Variants in TMEM117 observed in about 807,000 individuals in gnomAD.
TMEM117 encodes transmembrane protein 117.
Under a neutral mutation model 52.4 loss-of-function variants are expected in TMEM117, and 27 were observed. The ratio of observed to expected loss-of-function variants is 0.51; its 90% CI spans 0.38 to 0.71. TMEM117 has a LOEUF of 0.71. Ranked by LOEUF, TMEM117 falls within the 30% of genes least tolerant of loss-of-function variation. The probability of loss-of-function intolerance (pLI) is 0.00; values close to 1 mark genes in which losing one functional copy is unlikely to be tolerated. For missense variants in TMEM117, 556 were observed against 630.5 expected (o/e 0.88, Z 1.26); for synonymous variants, 215 against 206.3 (o/e 1.04, Z -0.36).
At chr12:43,920,837 A>G (rs1216982609) in intron 2 of TMEM117, among the ~76,000 whole-genome samples, 1 of 152,042 alleles carries the variant, frequency 6.6e-6, no homozygotes, top group Non-Finnish European at 1.5e-5. Context: ...CAATCTAGTT[A>G]TTTGTTATGC....
the TMEM117 span, among the ~76,000 whole-genome samples, chr12:43,801,235 C>T: frequency 6.6e-6 from 1 of 152,084 alleles, no homozygotes; most frequent in Non-Finnish European, 1.5e-5. Context: ...TCACGGCTTA[C>T]CGATGGCACA....
intron 2 of TMEM117, among the ~76,000 whole-genome samples, chr12:43,865,850 T>C (rs1215876635): frequency 2.6e-5 from 4 of 151,878 alleles, no homozygotes; most frequent in Non-Finnish European, 4.4e-5. Flanking sequence ...TTGAAATGAT[T>C]AGCCAATAAT....
intron 5 of TMEM117, among the ~76,000 whole-genome samples, chr12:44,291,620 T>A (rs779867141): frequency 3.9e-5 from 6 of 151,974 alleles, no homozygotes; most frequent in Non-Finnish European, 7.4e-5. Context: ...AGTACAACGT[T>A]GGTTGAGAGG....
chr12:43,939,678 T>C (rs1003006821), intron 2 of TMEM117, among the ~76,000 whole-genome samples: 2 of 152,210 alleles, frequency 1.3e-5, no homozygotes, highest in African/African-American at 4.8e-5. Flanking sequence ...GTGCACCTAA[T>C]AGAGGTGGGT....
chr12:43,945,061 A>T (rs907763577), intron 3 of TMEM117, among the ~76,000 whole-genome samples: 4 of 151,908 alleles, frequency 2.6e-5, no homozygotes, highest in African/African-American at 9.7e-5. Context: ...CAGTGAGCCA[A>T]GATCGTGCCA....
chr12:43,908,834 C>T (rs957468373), intron 2 of TMEM117, among the ~76,000 whole-genome samples: 1 of 149,328 alleles, frequency 6.7e-6, no homozygotes, highest in African/African-American at 2.4e-5. Flanking sequence ...CAGGAGCACC[C>T]AGATTCATAA....
chr12:44,039,787 T>TA (rs982225428), intron 3 of TMEM117, among the ~76,000 whole-genome samples: 1 of 152,172 alleles, frequency 6.6e-6, no homozygotes, highest in Non-Finnish European at 1.5e-5. Context: ...CACCCTCTTC[T>TA]AGAATATTTG....
intron 3 of TMEM117, among the ~76,000 whole-genome samples, chr12:44,076,374 A>G (rs909869017): frequency 6.6e-6 from 1 of 152,212 alleles, no homozygotes; most frequent in East Asian, 1.9e-4. Context: ...AATGACATAT[A>G]TAGCAACATA....
chr12:44,027,170 T>TTTTA (rs1555194989), intron 3 of TMEM117, among the ~76,000 whole-genome samples: 5,796 of 135,592 alleles, frequency 0.043, 397 homozygotes, highest in African/African-American at 0.1. Context: ...TTTTATTTTA[T>TTTTA]TTTATTTTAT....
intron 2 of TMEM117, among the ~76,000 whole-genome samples, chr12:43,857,464 C>T (rs1943420728): frequency 6.7e-6 from 1 of 148,932 alleles, no homozygotes; most frequent in Admixed American, 6.9e-5. Flanking sequence ...AGGGGGCTAT[C>T]ACATGGAATT....
intron 2 of TMEM117, among the ~76,000 whole-genome samples, chr12:43,909,320 C>T (rs1488488727): frequency 2.1e-5 from 1 of 47,304 alleles, no homozygotes; most frequent in African/African-American, 3.9e-5. Context: ...ACACAACATA[C>T]CAGAATCTCT....
rs1407615045 is a variant in TMEM117, at chr12:44,027,130, TTA to T, written c.410+82792_410+82793del. Among the ~76,000 whole-genome samples, 193 of 135,060 alleles carry T rather than the reference TTA, an allele frequency of 1.4e-3. 1 individual carries two copies. The highest frequency in any genetic ancestry group is 4.3e-3 in the African/African-American group (148 of 34,496). The allele number at this position is 135,060 out of a possible 152,430, so 88.6% of individuals were successfully genotyped here. A position where few individuals can be genotyped will look rare whatever the true frequency, so the allele number is the denominator to read the frequency against. ...TTTTATTTTATCTTATTATTTTATT[TTA>T]TATTTTATTTTATTTTATTTTATTT... On this transcript the variant is annotated intron_variant, in intron 3 of 7. Transcript: ENST00000266534.
chr12:44,204,794 C>T (rs928854316), intron 4 of TMEM117, among the ~76,000 whole-genome samples: 1 of 152,086 alleles, frequency 6.6e-6, no homozygotes, highest in Admixed American at 6.6e-5. Context: ...TAATAACAAG[C>T]AATGGGGAGG....
intron 6 of TMEM117, among the ~76,000 whole-genome samples, chr12:44,316,198 G>T (rs1385914044): frequency 6.6e-6 from 1 of 152,154 alleles, no homozygotes; most frequent in Non-Finnish European, 1.5e-5. Flanking sequence ...TTTTGTGGTA[G>T]CAGGTATTGT....
At chr12:44,243,865 G>C (rs1260946857) in intron 5 of TMEM117, among the ~76,000 whole-genome samples, 1 of 151,556 alleles carries the variant, frequency 6.6e-6, no homozygotes, top group Non-Finnish European at 1.5e-5. Flanking sequence ...ACATAAGTGA[G>C]TGAGACCATG....
chr12:43,950,942 G>C (rs1592387313), intron 3 of TMEM117, among the ~76,000 whole-genome samples: 1 of 152,176 alleles, frequency 6.6e-6, no homozygotes, highest in South Asian at 2.1e-4. Flanking sequence ...ATTTCCAGCT[G>C]AGGTACCCAG....
intron 1 of TMEM117, 98 bp downstream of exon 1, chr12:43,836,294 A>G (rs111561083): frequency 0.027 from 4,173 of 152,166 alleles, 92 homozygotes; most frequent in Non-Finnish European, 0.041. Context: ...CCCGGCTGCC[A>G]CCTCGTCACT....
chr12:43,830,521 A>G, the TMEM117 span, among the ~76,000 whole-genome samples: 2 of 151,740 alleles, frequency 1.3e-5, no homozygotes, highest in African/African-American at 4.8e-5. Flanking sequence ...GAGGTAGGAG[A>G]ATCGCTTGAA....
chr12:44,072,778 T>A (rs911613305), intron 3 of TMEM117, among the ~76,000 whole-genome samples: 2 of 152,168 alleles, frequency 1.3e-5, no homozygotes, highest in East Asian at 3.9e-4. Context: ...TAATTTATGA[T>A]TAAAAGAAGC....
Sources: gnomAD v4.1 joint callset for allele counts (sites outside exome capture counted in the v4.1 genomes callset) on GRCh38, gnomAD v4.1.1 for gene constraint, MANE v1.5 for transcripts, NCBI Gene and HGNC (gene_info 2026-07-23, HGNC 2026-07-21) for gene names.